The following FAIM2 variants were observed in gnomAD, a reference collection of about 807,000 sequenced individuals.
FAIM2 encodes Fas apoptotic inhibitory molecule 2, also known as protein lifeguard 2.
Under a neutral mutation model 47.4 loss-of-function variants are expected in FAIM2, and 27 were observed. The ratio of observed to expected loss-of-function variants is 0.57; its 90% CI spans 0.42 to 0.78. The LOEUF (loss-of-function observed/expected upper bound fraction) is 0.78. FAIM2 is among the 30% of genes least tolerant of loss of function. The pLI is 0.00. For missense variants in FAIM2, 311 were observed against 389.4 expected, an observed-to-expected ratio of 0.80 and a Z score of 1.69; for synonymous variants, 156 against 159.3, an observed-to-expected ratio of 0.98 and a Z score of 0.16.
At chr12:49,880,328 C>A (rs970214154) in intron 11 of FAIM2, among the ~76,000 whole-genome samples, 3 of 138,494 alleles carry the variant, frequency 2.2e-5, no homozygotes, top group African/African-American at 2.8e-5. Context: ...GTATGTGTGT[C>A]TGTGTGCATG....
intron 11 of FAIM2, among the ~76,000 whole-genome samples, chr12:49,880,730 G>GTGTGTATGTGTGCA (rs1946817306): frequency 9.4e-6 from 1 of 106,454 alleles, no homozygotes; most frequent in Admixed American, 9.6e-5. Flanking sequence ...GTATATGTGT[G>GTGTGTATGTGTGCA]TGTGTATGTG....
In FAIM2 at chr12:49,890,457, C is replaced by A. The variant is rs562758627; in HGVS notation, c.525+226G>T. ...CCTCAAGCAAACCCCTTAAAAAATT[C>A]ACAATGAAAAAAGACAGTGGATGGG... On this transcript the variant is annotated intron_variant, in intron 7 of 11. Transcript: ENST00000320634. Among the ~76,000 whole-genome samples the A allele has an allele frequency of 1.1e-4, 17 of 152,254 alleles. 1 individual carries two copies. In the South Asian group the frequency reaches 3.5e-3, roughly 32 times the overall value.
intron 11 of FAIM2, among the ~76,000 whole-genome samples, chr12:49,878,124 G>A (rs1946754090): frequency 1.5e-5 from 2 of 137,708 alleles, no homozygotes; most frequent in Middle Eastern, 7.0e-3. Flanking sequence ...GTGGGTATGT[G>A]TGCATGTGAG....
At chr12:49,879,685 T>C (rs1189328636) in intron 11 of FAIM2, among the ~76,000 whole-genome samples, 1 of 111,224 alleles carries the variant, frequency 9.0e-6, no homozygotes, top group African/African-American at 4.0e-5. Context: ...CATGTGTGTA[T>C]CTGTGTCTGT....
intron 5 of FAIM2, among the ~76,000 whole-genome samples, chr12:49,892,234 G>A (rs760430693): frequency 1.8e-4 from 27 of 151,620 alleles, no homozygotes; most frequent in Non-Finnish European, 2.9e-4. Context: ...CCCTCCTCCC[G>A]TCCCAGGCCA....
At chr12:49,890,040 G>T in intron 8 of FAIM2, 77 bp downstream of exon 8, 1 of 1,439,044 alleles carries the variant, frequency 6.9e-7, no homozygotes, top group Non-Finnish European at 9.8e-7. Context: ...GTGTGGGGCA[G>T]CTCCCCTCGG....
At chr12:49,888,415 G>A (rs1946876180) in intron 10 of FAIM2, among the ~76,000 whole-genome samples, 1 of 152,150 alleles carries the variant, frequency 6.6e-6, no homozygotes, top group African/African-American at 2.4e-5. Flanking sequence ...GTGTGGCTAT[G>A]GGGGTGAGGG....
chr12:49,889,678 C>T, intron 8 of FAIM2, 110 bp from the exon 9 acceptor site: 1 of 877,562 alleles, frequency 1.1e-6, no homozygotes, highest in Non-Finnish European at 1.8e-6. Context: ...GATCCCTGGC[C>T]CCAGTCTGGT....
intron 10 of FAIM2, among the ~76,000 whole-genome samples, chr12:49,888,363 C>T (rs572512003): frequency 6.6e-6 from 1 of 152,282 alleles, no homozygotes; most frequent in South Asian, 2.1e-4. Flanking sequence ...GACAACTGCT[C>T]GCAGCCCTAC....
In FAIM2 at chr12:49,879,274, ATATG is replaced by A. The variant is rs1348735219; in HGVS notation, c.801+8108_801+8111del. Among the ~76,000 whole-genome samples the A allele has an allele frequency of 3.9e-5, 2 of 51,452 alleles. 1 individual carries two copies. The highest frequency in any genetic ancestry group is 0.021 in the Middle Eastern group (2 of 94). The allele number at this position is 51,452 out of a possible 152,430, so 33.8% of individuals were successfully genotyped here. ...TGCATGTGTGTATGTGTGCATGTGT[ATATG>A]TGTGTATGTGTGTGGGTATGTGTAT... On this transcript the variant is annotated intron_variant, in intron 11 of 11. Transcript: ENST00000320634.
chr12:49,892,188 C>T (rs1014964918), intron 5 of FAIM2, among the ~76,000 whole-genome samples: 2 of 152,136 alleles, frequency 1.3e-5, no homozygotes, highest in African/African-American at 4.8e-5. Context: ...CTGCCTGCCA[C>T]CTGCAAATAT....
At chr12:49,881,870 C>T (rs1946828084) in intron 11 of FAIM2, among the ~76,000 whole-genome samples, 1 of 152,188 alleles carries the variant, frequency 6.6e-6, no homozygotes, top group African/African-American at 2.4e-5. Context: ...TGGACCAGAG[C>T]CCTGAGACGC....
At chr12:49,886,074 C>T (rs1018091523) in intron 11 of FAIM2, among the ~76,000 whole-genome samples, 8 of 152,140 alleles carry the variant, frequency 5.3e-5, no homozygotes, top group African/African-American at 1.9e-4. Context: ...GCAACTCTGG[C>T]CACTTGAATT....
chr12:49,880,539 T>A (rs1000794568), intron 11 of FAIM2, among the ~76,000 whole-genome samples: 17 of 94,102 alleles, frequency 1.8e-4, no homozygotes, highest in Admixed American at 4.6e-4. Context: ...TGTGCGTGTG[T>A]ATGTATGCAT....
At chr12:49,881,158 C>G (rs894846599) in intron 11 of FAIM2, among the ~76,000 whole-genome samples, 8 of 152,198 alleles carry the variant, frequency 5.3e-5, no homozygotes, top group Non-Finnish European at 1.0e-4. Context: ...CCAGTACTGA[C>G]CATGCACAGT....
Position 49,873,779 on chromosome 12 carries a change from C to T in FAIM2, c.802-3126G>A, listed in dbSNP as rs552624543. 5.3e-5 allele frequency among the ~76,000 whole-genome samples: 8 copies of T among 152,292 alleles called. No individual in the cohort carries two copies. In the South Asian group the frequency reaches 1.4e-3, roughly 28 times the overall value. On this transcript the variant is annotated intron_variant, in intron 11 of 11. Transcript: ENST00000320634. ...ATCTATGTGGTGTTCTCTGGGATGG[C>T]CTGCTTCAAATTTCAACCCCACTGA...
chr12:49,890,794 G>A, intron 6 of FAIM2, 72 bp from the exon 7 acceptor site: 1 of 1,353,584 alleles, frequency 7.4e-7, no homozygotes, highest in Non-Finnish European at 1.1e-6. Flanking sequence ...TGACACTGTT[G>A]CAGGGAGGGG....
chr12:49,903,525 C>G (rs532658985), intron 1 of FAIM2, among the ~76,000 whole-genome samples: 1 of 152,328 alleles, frequency 6.6e-6, no homozygotes, highest in East Asian at 1.9e-4. Context: ...TGTGAGGAGC[C>G]TTGTAATGCT....
At chr12:49,888,734 A>G (rs999608550) in intron 10 of FAIM2, among the ~76,000 whole-genome samples, 1 of 152,170 alleles carries the variant, frequency 6.6e-6, no homozygotes, top group African/African-American at 2.4e-5. Flanking sequence ...CAGGAGCCCC[A>G]GAAGACCCTT....
Sources: allele counts gnomAD v4.1 joint callset (sites outside exome capture counted in the v4.1 genomes callset), GRCh38; gene constraint gnomAD v4.1.1; transcripts MANE v1.5; gene names NCBI Gene and HGNC (gene_info 2026-07-23, HGNC 2026-07-21).